The following SHROOM2 variants were observed in gnomAD, a reference collection of about 807,000 sequenced individuals.
The protein encoded by SHROOM2 is shroom family member 2, also known as protein Shroom2.
In SHROOM2, 33 loss-of-function variants were observed where a neutral mutation model predicts 75.9. That is an observed-to-expected ratio of 0.43 (90% CI 0.33 to 0.58). The LOEUF is 0.58. Among genes scored for constraint, SHROOM2 ranks in the 20% least tolerant of loss-of-function variants. The pLI, the probability that SHROOM2 is intolerant of heterozygous loss-of-function variation, is 0.04. For synonymous variants in SHROOM2, 655 were observed against 663.6 expected, an observed-to-expected ratio of 0.99 and a Z score of 0.20; for missense variants, 1,434 against 1,461.2, an observed-to-expected ratio of 0.98 and a Z score of 0.30.
intron 1 of SHROOM2, among the ~76,000 whole-genome samples, chrX:9,836,855 TATTCCTTTAAGCC>T (rs1490960431): frequency 8.9e-6 from 1 of 112,015 alleles, no homozygotes; most frequent in Admixed American, 9.5e-5. Context: ...AGATTCTTTT[TATTCCTTTAAGCC>T]ATCCCTTCTG....
chrX:9,942,443 C>A (rs4830424), intron 8 of SHROOM2, among the ~76,000 whole-genome samples: 14,143 of 110,925 alleles, frequency 0.13, 759 homozygotes, highest in East Asian at 0.26. Context: ...ACTGCACCCC[C>A]CACACACACC....
At chrX:9,889,720 G>T (rs981656552) in intron 2 of SHROOM2, among the ~76,000 whole-genome samples, 3 of 112,098 alleles carry the variant, frequency 2.7e-5, no homozygotes, top group African/African-American at 9.7e-5. Context: ...TTAGCCTTTT[G>T]GTGTGGGTTG....
chrX:9,795,801 T>A (rs1174048410), intron 1 of SHROOM2, among the ~76,000 whole-genome samples: 1 of 110,267 alleles, frequency 9.1e-6, no homozygotes, highest in Non-Finnish European at 1.9e-5. Flanking sequence ...CTTAATAAAC[T>A]TCTGGTGTAG....
chrX:9,801,427 C>G (rs1039480555), intron 1 of SHROOM2, among the ~76,000 whole-genome samples: 1 of 111,669 alleles, frequency 9.0e-6, no homozygotes, highest in Admixed American at 9.6e-5. Context: ...CTGCTGTTAC[C>G]CACCTTGATC....
At chrX:9,922,554 T>C (rs776491019) in intron 5 of SHROOM2, among the ~76,000 whole-genome samples, 1 of 109,981 alleles carries the variant, frequency 9.1e-6, no homozygotes, top group East Asian at 2.9e-4. Context: ...TCATTCAGGG[T>C]CGTGCCCCTG....
chrX:9,810,763 C>G (rs146675905), intron 1 of SHROOM2, among the ~76,000 whole-genome samples: 2 of 110,700 alleles, frequency 1.8e-5, no homozygotes, highest in African/African-American at 6.6e-5. Flanking sequence ...GGCGCTGATT[C>G]AGAGCATACA....
At chrX:9,911,550 C>T (rs1307845553) in intron 5 of SHROOM2, among the ~76,000 whole-genome samples, 8 of 111,052 alleles carry the variant, frequency 7.2e-5, no homozygotes, top group African/African-American at 1.3e-4. Flanking sequence ...GGCTGTGAGG[C>T]GCAGTGGCTG....
At chrX:9,898,569 C>T (rs927639479) in intron 5 of SHROOM2, among the ~76,000 whole-genome samples, 1 of 111,948 alleles carries the variant, frequency 8.9e-6, no homozygotes, top group Non-Finnish European at 1.9e-5. Flanking sequence ...GTTTTCCGCA[C>T]GGTGAGACTG....
intron 1 of SHROOM2, among the ~76,000 whole-genome samples, chrX:9,866,013 GC>G (rs2084135576): frequency 9.2e-6 from 1 of 109,035 alleles, no homozygotes; most frequent in South Asian, 4.0e-4. Context: ...CTGCCCAAAA[GC>G]CTTATGAATC....
At chrX:9,890,265 G>T (rs1448481661) in intron 2 of SHROOM2, among the ~76,000 whole-genome samples, 1 of 112,390 alleles carries the variant, frequency 8.9e-6, no homozygotes, top group African/African-American at 3.2e-5. Flanking sequence ...TACTTGGGAG[G>T]CTAAGGCAGG....
chrX:9,873,987 TACG>T (rs1194850887), intron 2 of SHROOM2, among the ~76,000 whole-genome samples, 184 bp downstream of exon 2: 1 of 112,179 alleles, frequency 8.9e-6, no homozygotes, highest in Non-Finnish European at 1.9e-5. Flanking sequence ...CTAATTTTAT[TACG>T]ACGATTTTTA....
intron 5 of SHROOM2, among the ~76,000 whole-genome samples, chrX:9,905,859 C>A (rs2084388879): frequency 9.0e-6 from 1 of 111,507 alleles, no homozygotes; most frequent in Non-Finnish European, 1.9e-5. Context: ...GGATGAGGGA[C>A]AGGAAGAACA....
chrX:9,864,131 T>C (rs959032395), intron 1 of SHROOM2, among the ~76,000 whole-genome samples: 16 of 111,285 alleles, frequency 1.4e-4, no homozygotes, highest in African/African-American at 3.9e-4. Context: ...CACAACTTGC[T>C]GCCTTGCTGG....
chrX:9,799,357 G>T (rs1374510059), intron 1 of SHROOM2, among the ~76,000 whole-genome samples: 1 of 108,735 alleles, frequency 9.2e-6, no homozygotes, highest in African/African-American at 3.4e-5. Context: ...GTGGAGATGG[G>T]GTTTCGCCAT....
At chrX:9,936,137 G>T (rs1032182728) in intron 6 of SHROOM2, among the ~76,000 whole-genome samples, 2 of 107,992 alleles carry the variant, frequency 1.9e-5, no homozygotes, top group Admixed American at 9.9e-5. Flanking sequence ...TTGCTCTGTT[G>T]CCCAGGCTAG....
intron 1 of SHROOM2, among the ~76,000 whole-genome samples, chrX:9,810,070 A>G (rs986271883): frequency 6.2e-5 from 7 of 112,569 alleles, no homozygotes; most frequent in Non-Finnish European, 5.6e-5. Context: ...ATGCGCAAAC[A>G]TGGTTTTAGC....
At position 9,865,762 on chromosome X, in the gene SHROOM2, A is replaced by G. The variant is rs7066384; in HGVS notation, c.166-7890A>G. Among the ~76,000 whole-genome samples, 3 of 107,834 alleles carry G rather than the reference A, an allele frequency of 2.8e-5. No homozygotes were observed. In the East Asian group the frequency reaches 8.8e-4, roughly 32 times the overall value. 93.6% of individuals were successfully genotyped at this position (107,834 alleles called of 115,157 possible). A position where few individuals can be genotyped will look rare whatever the true frequency, so the allele number is the denominator to read the frequency against. ...TTTTTAGTAGAGACGGGGTTTCACC[A>G]TGTTAGCCAGGATGGTCTCGATCTC... On this transcript the variant is annotated intron_variant, in intron 1 of 9. Transcript: ENST00000380913.
chrX:9,866,563 G>A (rs975507127), intron 1 of SHROOM2, among the ~76,000 whole-genome samples: 2 of 111,307 alleles, frequency 1.8e-5, no homozygotes, highest in Non-Finnish European at 3.8e-5. Flanking sequence ...CATTACTCCC[G>A]TGATTTTTCT....
intron 1 of SHROOM2, among the ~76,000 whole-genome samples, chrX:9,815,591 T>C (rs969646993): frequency 9.3e-6 from 1 of 107,610 alleles, no homozygotes; most frequent in Non-Finnish European, 1.9e-5. Context: ...TATCTATATC[T>C]ATATCTATAT....
Sources: allele counts gnomAD v4.1 joint callset (sites outside exome capture counted in the v4.1 genomes callset), GRCh38; gene constraint gnomAD v4.1.1; transcripts MANE v1.5; gene names NCBI Gene and HGNC (gene_info 2026-07-23, HGNC 2026-07-21).